CENPE: variants seen among roughly 807,000 people sequenced by gnomAD.
The protein encoded by CENPE is centromere protein E, also known as centromere-associated protein E.
Under a neutral mutation model 336.1 loss-of-function variants are expected in CENPE, and 145 were observed. The observed-to-expected ratio is 0.43, with a 90% CI of 0.38 to 0.50. The LOEUF (loss-of-function observed/expected upper bound fraction) is 0.50, where lower values mean the gene tolerates loss of function less well. Among genes scored for constraint, CENPE ranks in the 20% least tolerant of loss-of-function variants. The pLI is 0.00. For missense variants in CENPE, 2,719 were observed against 3,023.3 expected (o/e 0.90, Z 2.36); for synonymous variants, 1,013 against 984.8 (o/e 1.03, Z -0.54).
At position 103,161,387 on chromosome 4, in the gene CENPE, T is replaced by C; in HGVS notation, c.1913A>G (p.Lys638Arg). 6.2e-7 allele frequency: 1 copy of C among 1,612,620 alleles called. No individual in the cohort carries two copies. Among genetic ancestry groups the C allele is most frequent in the South Asian group, 1.1e-5 (1 of 90,772 alleles). ...FDAETVALDA[K>R]RESAFLRSEN... Reference sequence around the variant, plus strand: ...ACTTCTAAGAAAGGCTGATTCTCTCTTGGCATCAAGGGCTACAGTTTCAGC... The same window carrying C: ...ACTTCTAAGAAAGGCTGATTCTCTCCTGGCATCAAGGGCTACAGTTTCAGC... Residue 638 changes from lysine to arginine, a missense_variant, in exon 19 of 49, where the codon AAG becomes AGG. Lys to Arg is a conservative substitution (Grantham distance 26). Around this residue, in one of 5 missense-constraint regions of CENPE, gnomAD observed 2,437 missense variants for 2,513.3 expected, o/e 0.97. Transcript: ENST00000265148.
At chr4:103,157,059 CAAAA>C (rs34199706) in intron 24 of CENPE, among the ~76,000 whole-genome samples, 50 of 98,012 alleles carry the variant, frequency 5.1e-4, no homozygotes, top group East Asian at 3.7e-3. Flanking sequence ...TGGCTACTAT[CAAAA>C]AAAAAAAAAA....
chr4:103,108,942 A>C lies in CENPE; in HGVS notation c.7872T>G (p.Ser2624=). Residue 2624 remains serine (S), a synonymous_variant, in exon 48 of 49, where the codon TCT becomes TCG. Transcript: ENST00000265148. ...CTTGTAAATTCCGTTCCTTGCATTG[A>C]GAGGGTGTAATTTGTTTCTTTTTAG... ...TASKKKQITP[S]QCKERNLQDP... 1 of 1,613,832 alleles carries C rather than the reference A, an allele frequency of 6.2e-7. No individual in the cohort carries two copies. The highest frequency in any genetic ancestry group is 8.5e-7 in the Non-Finnish European group (1 of 1,179,840).
At position 103,174,867 on chromosome 4, in the gene CENPE, C is replaced by A; in HGVS notation, c.1516G>T (p.Asp506Tyr). The A allele has an allele frequency of 6.6e-7, 1 of 1,511,744 alleles. No homozygotes were observed. The highest frequency in any genetic ancestry group is 8.8e-7 in the Non-Finnish European group (1 of 1,132,682). The allele number at this position is 1,511,744 out of a possible 1,614,324, so 93.6% of individuals were successfully genotyped here. ...IESELNSLRADYDNLVLDYEQ... is the reference protein window; with the variant it reads ...IESELNSLRAYYDNLVLDYEQ... ...TAGTCTAATACCAGATTATCATAGT[C>A]AGCACGAAGTGAGTTCAACTCACTT... Residue 506 changes from aspartate to tyrosine, a missense_variant, in exon 16 of 49, where the codon GAC becomes TAC. Physicochemically the swap from Asp to Tyr is radical, Grantham distance 160. Transcript: ENST00000265148.
chr4:103,188,119 A>G (rs2126038602), intron 8 of CENPE, among the ~76,000 whole-genome samples: 1 of 152,304 alleles, frequency 6.6e-6, no homozygotes, highest in East Asian at 1.9e-4. Context: ...TATGCACCCA[A>G]TACAGGAGCA....
intron 13 of CENPE, among the ~76,000 whole-genome samples, chr4:103,179,538 C>A (rs530861178): frequency 6.6e-6 from 1 of 152,292 alleles, no homozygotes; most frequent in African/African-American, 2.4e-5. Flanking sequence ...CTTCTATATA[C>A]CTCTGTACAT....
chr4:103,135,389 CTTTT>C (rs1461576668), intron 40 of CENPE, among the ~76,000 whole-genome samples: 3 of 152,266 alleles, frequency 2.0e-5, no homozygotes, highest in South Asian at 2.1e-4. Flanking sequence ...GTTTCTCTTT[CTTTT>C]TTATTTTTGA....
intron 32 of CENPE, among the ~76,000 whole-genome samples, 175 bp from the exon 33 acceptor site, chr4:103,144,793 C>T (rs1169798397): frequency 6.6e-6 from 1 of 152,086 alleles, no homozygotes; most frequent in Non-Finnish European, 1.5e-5. Flanking sequence ...TAACAAGTCC[C>T]ACTTTTTCCT....
rs1757236974 is a variant in CENPE, at chr4:103,190,755, A to G, written c.693+3474T>C. On this transcript the variant is annotated intron_variant, in intron 8 of 48. Coordinates refer to ENST00000265148, the MANE Select transcript of CENPE (RefSeq NM_001813.3). ...TGGGCAAGGACTTCATGTCTAAAAC[A>G]CCAAAAGCAATGACAACAAAAGCCA... Among the ~76,000 whole-genome samples, 3 of 152,300 alleles carry G rather than the reference A, an allele frequency of 2.0e-5. No homozygotes were observed. In the South Asian group the frequency reaches 6.2e-4, roughly 32 times the overall value.
chr4:103,139,340 T>C (rs926240257), intron 38 of CENPE, among the ~76,000 whole-genome samples: 2 of 152,146 alleles, frequency 1.3e-5, no homozygotes, highest in African/African-American at 4.8e-5. Context: ...TGAATATCTA[T>C]AAATAGTCAT....
chr4:103,143,695 C>T (rs761500046), intron 33 of CENPE, among the ~76,000 whole-genome samples: 4 of 152,164 alleles, frequency 2.6e-5, no homozygotes, highest in Non-Finnish European at 4.4e-5. Context: ...TTTAACCAGT[C>T]CCTTACCAAT....
chr4:103,185,977 G>A, intron 8 of CENPE, 116 bp from the exon 9 acceptor site: 1 of 612,478 alleles, frequency 1.6e-6, no homozygotes, highest in Non-Finnish European at 2.9e-6. Flanking sequence ...CTGTATCCAT[G>A]TCTCCCATGC....
chr4:103,106,016 T>C lies in CENPE; in HGVS notation c.*206A>G. ...AATTCAACTTTTAAAAGTATTACCA[T>C]ATGCAAGAAGAAGGTATTGCTATCA... On this transcript the variant is annotated 3_prime_UTR_variant, in exon 49 of 49. Coordinates refer to ENST00000265148, the MANE Select transcript of CENPE (RefSeq NM_001813.3). 2.7e-6 allele frequency: 1 copy of C among 367,204 alleles called. No individual in the cohort carries two copies. The allele number at this position is 367,204 out of a possible 1,614,324, so 22.7% of individuals were successfully genotyped here.
At chr4:103,108,591 A>G (rs1361836021) in intron 48 of CENPE, among the ~76,000 whole-genome samples, 1 of 107,490 alleles carries the variant, frequency 9.3e-6, no homozygotes, top group African/African-American at 2.8e-5. Context: ...GGGTAGACTA[A>G]AGACTTCACT....
chr4:103,147,328 T>C lies in CENPE; in HGVS notation c.4134+28A>G. On this transcript the variant is annotated intron_variant, in intron 29 of 48. Coordinates refer to ENST00000265148, the MANE Select transcript of CENPE (RefSeq NM_001813.3). ...GCCTTGATTCTTATAAGACACTTGT[T>C]AAAATGGGAGGAAAATACGAAACTT... The C allele has an allele frequency of 1.9e-6, 3 of 1,562,508 alleles. No homozygotes were observed. In the South Asian group the frequency reaches 3.6e-5, roughly 19 times the overall value.
chr4:103,167,863 A>G (rs2125990449), intron 16 of CENPE, among the ~76,000 whole-genome samples: 1 of 151,814 alleles, frequency 6.6e-6, no homozygotes. Flanking sequence ...GAAATCACAC[A>G]CTCTAGGGTC....
intron 5 of CENPE, 83 bp downstream of exon 5, chr4:103,195,031 T>A: frequency 7.9e-7 from 1 of 1,258,244 alleles, no homozygotes; most frequent in East Asian, 2.6e-5. Context: ...CTTTAAAAAC[T>A]ATAGAAATTA....
rs1268455756 is a variant in CENPE at position 103,196,012 on chromosome 4, C to T, written c.265G>A (p.Ala89Thr). The change falls in exon 4 of 49, where the codon GCT becomes ACT. Residue 89 changes from alanine (A) to threonine (T), a missense_variant. Physicochemically the swap from Ala to Thr is moderately conservative, Grantham distance 58 (BLOSUM62 0). Transcript: ENST00000265148. The part of the protein sequence containing the change: ...NGTIFAYGQT[A>T]SGKTYTMMGS... ...ATCATGGTATATGTTTTTCCTGAAG[C>T]AGTCTGTCCATAGGCAAATATAGTA... 2 of 1,613,474 alleles carry T rather than the reference C, an allele frequency of 1.2e-6. No homozygotes were observed. The highest frequency in any genetic ancestry group is 1.3e-5 in the African/African-American group (1 of 74,882).
intron 9 of CENPE, among the ~76,000 whole-genome samples, chr4:103,184,865 A>G (rs1380172730): frequency 6.6e-6 from 1 of 152,164 alleles, no homozygotes; most frequent in Non-Finnish European, 1.5e-5. Context: ...AAACATGAAA[A>G]TGTACTCTTG....
chr4:103,159,425 C>T, intron 21 of CENPE, 101 bp from the exon 22 acceptor site: 1 of 682,804 alleles, frequency 1.5e-6, no homozygotes, highest in Non-Finnish European at 2.2e-6. Context: ...AAGTTATTTA[C>T]ATTCAGCAAA....
Sources: gnomAD v4.1 joint callset for allele counts (sites outside exome capture counted in the v4.1 genomes callset) on GRCh38, gnomAD v4.1.1 for gene constraint, gnomAD v4.1.1 regional missense constraint, MANE v1.5 for transcripts, NCBI Gene and HGNC (gene_info 2026-07-23, HGNC 2026-07-21) for gene names.